The following LRMDA variants were observed in gnomAD, a reference collection of about 807,000 sequenced individuals.
LRMDA encodes the protein leucine-rich melanocyte differentiation-associated protein.
Under a neutral mutation model 29.8 loss-of-function variants are expected in LRMDA, and 18 were observed. The ratio of observed to expected loss-of-function variants is 0.60; its 90% CI spans 0.42 to 0.90. LRMDA has a LOEUF of 0.90. Ranked by LOEUF, LRMDA falls within the 40% of genes least tolerant of loss-of-function variation. The pLI is 0.00. For missense variants in LRMDA, 273 were observed against 273.9 expected, an observed-to-expected ratio of 1.00 and a Z score of 0.02; for synonymous variants, 125 against 109.4, an observed-to-expected ratio of 1.14 and a Z score of -0.89.
chr10:75,744,730 C>T (rs1181042826), intron 2 of LRMDA, among the ~76,000 whole-genome samples: 8 of 152,190 alleles, frequency 5.3e-5, no homozygotes, highest in Non-Finnish European at 1.2e-4. Flanking sequence ...GCTAGATGTT[C>T]ACCTGGGACC....
intron 2 of LRMDA, among the ~76,000 whole-genome samples, chr10:75,747,052 G>A (rs1842898866): frequency 6.6e-6 from 1 of 151,982 alleles, no homozygotes; most frequent in Admixed American, 6.6e-5. Context: ...CATTTAAAGA[G>A]GTTTCTTTTT....
At chr10:75,515,401 C>A (rs1382688869) in intron 2 of LRMDA, among the ~76,000 whole-genome samples, 4 of 152,172 alleles carry the variant, frequency 2.6e-5, no homozygotes, top group Admixed American at 2.6e-4. Flanking sequence ...GAGATGGAGT[C>A]TCACTCTGTC....
At chr10:75,962,150 CT>C (rs770421890) in intron 2 of LRMDA, among the ~76,000 whole-genome samples, 1 of 152,166 alleles carries the variant, frequency 6.6e-6, no homozygotes, top group Non-Finnish European at 1.5e-5. Context: ...GGGGTTAGGA[CT>C]TCAATACATG....
chr10:76,040,943 C>T (rs777695355), intron 3 of LRMDA, among the ~76,000 whole-genome samples: 7 of 152,170 alleles, frequency 4.6e-5, no homozygotes, highest in Non-Finnish European at 8.8e-5. Flanking sequence ...GCACGGAGAC[C>T]ACTCCAGCGA....
intron 2 of LRMDA, among the ~76,000 whole-genome samples, chr10:75,457,083 TTTATGGCAAGCAAGGTGTTCTTTCCAG>T (rs1424631782): frequency 3.9e-5 from 6 of 152,232 alleles, no homozygotes; most frequent in Non-Finnish European, 8.8e-5. Flanking sequence ...TTCTTGAATC[TTTATGGCAAGCAAGGTGTTCTTTCCAG>T]CTTAAAGACA....
intron 2 of LRMDA, among the ~76,000 whole-genome samples, chr10:75,618,957 T>G (rs2132105016): frequency 6.6e-6 from 1 of 152,050 alleles, no homozygotes; most frequent in South Asian, 2.1e-4. Context: ...TAATTTTTTA[T>G]TTTTTATTTT....
chr10:75,817,048 A>G (rs566920739), intron 2 of LRMDA, among the ~76,000 whole-genome samples: 2 of 152,204 alleles, frequency 1.3e-5, no homozygotes, highest in Non-Finnish European at 2.9e-5. Flanking sequence ...TGCATGGTCT[A>G]CTCCTGGCCT....
intron 2 of LRMDA, among the ~76,000 whole-genome samples, chr10:75,621,948 C>T (rs1412966946): frequency 6.6e-6 from 1 of 152,158 alleles, no homozygotes; most frequent in African/African-American, 2.4e-5. Context: ...CTCTCTCTGC[C>T]TCTCACCACT....
intron 2 of LRMDA, among the ~76,000 whole-genome samples, chr10:75,545,201 C>T (rs759518873): frequency 6.6e-6 from 1 of 152,084 alleles, no homozygotes; most frequent in Non-Finnish European, 1.5e-5. Context: ...ATAATTATCA[C>T]GTCTGAAATG....
At chr10:75,873,152 C>A (rs1845141202) in intron 2 of LRMDA, among the ~76,000 whole-genome samples, 2 of 152,238 alleles carry the variant, frequency 1.3e-5, no homozygotes, top group Non-Finnish European at 2.9e-5. Flanking sequence ...AGCTGGTCAA[C>A]ATGATCTACT....
chr10:75,913,791 C>G (rs1322028946), intron 2 of LRMDA, among the ~76,000 whole-genome samples: 1 of 152,230 alleles, frequency 6.6e-6, no homozygotes, highest in African/African-American at 2.4e-5. Flanking sequence ...TGGAGAGGAG[C>G]AAGGGGACAG....
chr10:76,007,739 A>G (rs778314170), intron 2 of LRMDA, among the ~76,000 whole-genome samples: 1 of 152,138 alleles, frequency 6.6e-6, no homozygotes, highest in Non-Finnish European at 1.5e-5. Flanking sequence ...AGAAATGTTA[A>G]TTGGTGTGTG....
Position 75,578,215 on chromosome 10 carries a change from C to CAAAAAAAAAAAAAAAA in LRMDA, c.131+139730_131+139745dup, listed in dbSNP as rs1183989010. ...GTATATTTACCAAGCAAATGGAAAG[C>CAAAAAAAAAAAAAAAA]AAAAAAAAAAAAAAAAAAAAAAAAG... On this transcript the variant is annotated intron_variant, in intron 2 of 6. Coordinates refer to ENST00000611255, the MANE Select transcript of LRMDA (RefSeq NM_001305581.2). 4.1e-3 allele frequency among the ~76,000 whole-genome samples: 59 copies of CAAAAAAAAAAAAAAAA among 14,218 alleles called. 9 individuals are homozygous for CAAAAAAAAAAAAAAAA. The highest frequency in any genetic ancestry group is 6.3e-3 in the Admixed American group (4 of 632). The allele number at this position is 14,218 out of a possible 152,430, so 9.3% of individuals were successfully genotyped here.
intron 2 of LRMDA, among the ~76,000 whole-genome samples, chr10:75,838,737 A>G (rs1844484810): frequency 6.6e-6 from 1 of 152,232 alleles, no homozygotes; most frequent in African/African-American, 2.4e-5. Flanking sequence ...TTGTGATCAC[A>G]TATGTTTTAA....
intron 6 of LRMDA, among the ~76,000 whole-genome samples, chr10:76,403,841 T>C (rs774084476): frequency 6.6e-6 from 1 of 152,162 alleles, no homozygotes; most frequent in Non-Finnish European, 1.5e-5. Context: ...AGTAATCCAC[T>C]GGGTTGTGAA....
At chr10:75,780,155 T>G (rs1308149249) in intron 2 of LRMDA, among the ~76,000 whole-genome samples, 2 of 152,224 alleles carry the variant, frequency 1.3e-5, no homozygotes, top group Non-Finnish European at 2.9e-5. Context: ...CTACTGACAC[T>G]GGATTTTAGA....
At chr10:75,440,565 G>A (rs1443878455) in intron 2 of LRMDA, among the ~76,000 whole-genome samples, 3 of 152,102 alleles carry the variant, frequency 2.0e-5, no homozygotes, top group African/African-American at 7.2e-5. Context: ...CTTGGGACTG[G>A]ATCACCTTTG....
chr10:76,165,920 G>A (rs1358439916), intron 5 of LRMDA, among the ~76,000 whole-genome samples: 3 of 152,152 alleles, frequency 2.0e-5, no homozygotes, highest in Non-Finnish European at 2.9e-5. Context: ...AGTGGGTATC[G>A]AGAGGCTATG....
intron 5 of LRMDA, among the ~76,000 whole-genome samples, chr10:76,173,765 A>T (rs1408230601): frequency 2.0e-5 from 3 of 152,096 alleles, no homozygotes; most frequent in Non-Finnish European, 4.4e-5. Flanking sequence ...GGTTCAAGCA[A>T]TTCTCCTGCC....
Sources: allele counts gnomAD v4.1 joint callset (sites outside exome capture counted in the v4.1 genomes callset), GRCh38; gene constraint gnomAD v4.1.1; transcripts MANE v1.5; gene names NCBI Gene and HGNC (gene_info 2026-07-23, HGNC 2026-07-21).